Variants in DAB1 observed in about 807,000 individuals in gnomAD.
DAB1 encodes the protein disabled homolog 1.
In DAB1, 15 loss-of-function variants were observed where a neutral mutation model predicts 64.6. The ratio of observed to expected loss-of-function variants is 0.23; its 90% CI spans 0.16 to 0.36. The LOEUF is 0.36. Ranked by LOEUF, DAB1 falls within the 10% of genes least tolerant of loss-of-function variation. DAB1 has a pLI of 1.00. For synonymous variants in DAB1, 235 were observed against 251.9 expected (o/e 0.93, Z 0.64); for missense variants, 596 against 706.7 (o/e 0.84, Z 1.78).
At chr1:57,076,456 G>A (rs943737462) in intron 4 of DAB1, among the ~76,000 whole-genome samples, 2 of 152,182 alleles carry the variant, frequency 1.3e-5, no homozygotes, top group African/African-American at 2.4e-5. Context: ...TCCCCATCCT[G>A]AACTCTTCTT....
chr1:57,652,441 A>G (rs1646267849), intron 6 of DAB1, among the ~76,000 whole-genome samples: 1 of 152,208 alleles, frequency 6.6e-6, no homozygotes, highest in Non-Finnish European at 1.5e-5. Flanking sequence ...GATTTGAGTC[A>G]GAATAAAATA....
intron 5 of DAB1, among the ~76,000 whole-genome samples, chr1:58,071,177 G>A (rs1480104133): frequency 6.6e-6 from 1 of 152,160 alleles, no homozygotes; most frequent in African/African-American, 2.4e-5. Flanking sequence ...ATCTACATTT[G>A]CTTTTAAAGA....
chr1:57,630,765 C>T (rs529070521), intron 7 of DAB1, among the ~76,000 whole-genome samples: 8 of 152,240 alleles, frequency 5.3e-5, no homozygotes, highest in Middle Eastern at 6.8e-3. Context: ...GAAATATCCA[C>T]GGATTTGTTG....
intron 9 of DAB1, among the ~76,000 whole-genome samples, chr1:57,033,882 C>T (rs754183113): frequency 5.3e-5 from 8 of 152,182 alleles, no homozygotes; most frequent in East Asian, 1.9e-4. Flanking sequence ...GCTGTTTACA[C>T]CTGAGATTTT....
intron 6 of DAB1, among the ~76,000 whole-genome samples, chr1:57,667,171 C>G (rs1247134243): frequency 6.6e-6 from 1 of 152,126 alleles, no homozygotes; most frequent in Non-Finnish European, 1.5e-5. Flanking sequence ...TGGCTTGCTC[C>G]CTCACTGTGT....
At chr1:57,769,527 G>T (rs893604403) in intron 6 of DAB1, among the ~76,000 whole-genome samples, 2 of 152,138 alleles carry the variant, frequency 1.3e-5, no homozygotes, top group Non-Finnish European at 2.9e-5. Flanking sequence ...CTGGTGGCCA[G>T]TTTCAAGAAA....
chr1:57,121,160 GAGGAGAAGGAGGAGA>G (rs962533560), intron 4 of DAB1, among the ~76,000 whole-genome samples: 1 of 149,470 alleles, frequency 6.7e-6, no homozygotes, highest in Non-Finnish European at 1.5e-5. Context: ...GGAGGAGGAG[GAGGAGAAGGAGGAGA>G]AGGAGAAGAA....
intron 5 of DAB1, among the ~76,000 whole-genome samples, chr1:58,030,758 T>G (rs980231457): frequency 2.0e-5 from 3 of 152,122 alleles, no homozygotes; most frequent in Non-Finnish European, 4.4e-5. Flanking sequence ...TGAACACATA[T>G]GGAAATAGGC....
chr1:58,544,761 T>C (rs946502077), intron 1 of DAB1, among the ~76,000 whole-genome samples: 6 of 152,144 alleles, frequency 3.9e-5, no homozygotes, highest in Non-Finnish European at 8.8e-5. Context: ...ATCTGGCTAA[T>C]TTTTGTATTT....
intron 5 of DAB1, among the ~76,000 whole-genome samples, chr1:57,984,830 A>T (rs1646172994): frequency 6.6e-6 from 1 of 152,152 alleles, no homozygotes; most frequent in Non-Finnish European, 1.5e-5. Context: ...GAGTTCAATA[A>T]AGGGGCTTTG....
chr1:58,452,558 C>T (rs1379872223), intron 3 of DAB1, among the ~76,000 whole-genome samples: 1 of 151,648 alleles, frequency 6.6e-6, no homozygotes, highest in Non-Finnish European at 1.5e-5. Flanking sequence ...GCCTGTAATC[C>T]CAGCACTTTG....
At chr1:58,032,346 C>A (rs1646984290) in intron 5 of DAB1, among the ~76,000 whole-genome samples, 1 of 152,076 alleles carries the variant, frequency 6.6e-6, no homozygotes. Flanking sequence ...AAAAATAAGC[C>A]TTTGTTTCCT....
At chr1:57,091,183 C>G (rs979311037) in intron 4 of DAB1, among the ~76,000 whole-genome samples, 4 of 152,108 alleles carry the variant, frequency 2.6e-5, no homozygotes, top group Admixed American at 2.6e-4. Context: ...AGTGGAAAAA[C>G]TGTTTTCCAT....
At chr1:58,219,684 C>T (rs1430897713) in intron 4 of DAB1, among the ~76,000 whole-genome samples, 4 of 152,224 alleles carry the variant, frequency 2.6e-5, no homozygotes, top group African/African-American at 9.6e-5. Flanking sequence ...AGGAAATCTT[C>T]CCTGGCCTCC....
intron 5 of DAB1, among the ~76,000 whole-genome samples, chr1:58,080,737 G>A (rs1371908985): frequency 2.0e-5 from 3 of 152,172 alleles, no homozygotes; most frequent in Admixed American, 6.5e-5. Context: ...TGGGATCAAC[G>A]CTCTGCCATT....
At chr1:57,540,999 T>C (rs1014325941) in intron 7 of DAB1, among the ~76,000 whole-genome samples, 2 of 152,160 alleles carry the variant, frequency 1.3e-5, no homozygotes, top group Non-Finnish European at 2.9e-5. Flanking sequence ...CACAAAGAAA[T>C]GATAAATGCT....
chr1:57,559,593 G>A (rs574478678), intron 7 of DAB1, among the ~76,000 whole-genome samples: 1 of 152,280 alleles, frequency 6.6e-6, no homozygotes, highest in African/African-American at 2.4e-5. Context: ...TTAAAATAGG[G>A]CTTATGGAGG....
At chr1:57,746,393 C>G (rs1189603784) in intron 6 of DAB1, among the ~76,000 whole-genome samples, 1 of 152,058 alleles carries the variant, frequency 6.6e-6, no homozygotes, top group African/African-American at 2.4e-5. Context: ...CCTTTAAATA[C>G]TCACTAATCT....
intron 2 of DAB1, among the ~76,000 whole-genome samples, chr1:57,162,679 T>C (rs1478777584): frequency 6.6e-6 from 1 of 152,226 alleles, no homozygotes; most frequent in Non-Finnish European, 1.5e-5. Context: ...GAGTATTTTT[T>C]GTAAAGGAGA....
Sources: allele counts gnomAD v4.1 joint callset (sites outside exome capture counted in the v4.1 genomes callset), GRCh38; gene constraint gnomAD v4.1.1; transcripts MANE v1.5; gene names NCBI Gene and HGNC (gene_info 2026-07-23, HGNC 2026-07-21).